RANBP17: variants seen among roughly 807,000 people sequenced by gnomAD.
The protein encoded by RANBP17 is RAN binding protein 17, also known as ran-binding protein 17.
In RANBP17, 158 loss-of-function variants were observed where a neutral mutation model predicts 141.2. That is an observed-to-expected ratio of 1.12 (90% confidence interval 0.98 to 1.28). The LOEUF (loss-of-function observed/expected upper bound fraction) is 1.28, where lower values mean the gene tolerates loss of function less well. RANBP17 is among the 50% of genes most tolerant of loss of function. The pLI, the probability that RANBP17 is intolerant of heterozygous loss-of-function variation, is 0.00. For synonymous variants in RANBP17, 430 were observed against 450.0 expected (o/e 0.96, Z 0.56); for missense variants, 1,438 against 1,290.7 (o/e 1.11, Z -1.75).
At chr5:170,943,559 C>A (rs1404736145) in intron 12 of RANBP17, among the ~76,000 whole-genome samples, 2 of 151,920 alleles carry the variant, frequency 1.3e-5, no homozygotes, top group African/African-American at 4.8e-5. Context: ...GCTGCTAAAA[C>A]AAGCACCCTG....
chr5:171,007,633 G>T (rs1333850332), intron 14 of RANBP17, among the ~76,000 whole-genome samples: 2 of 152,098 alleles, frequency 1.3e-5, no homozygotes, highest in African/African-American at 2.4e-5. Context: ...AAAAATGCCT[G>T]GACGTAGGGC....
intron 8 of RANBP17, among the ~76,000 whole-genome samples, chr5:170,915,087 T>G (rs1404944398): frequency 6.6e-6 from 1 of 152,136 alleles, no homozygotes; most frequent in Non-Finnish European, 1.5e-5. Context: ...ACCTCATGTT[T>G]CCAGTTGGGG....
intron 14 of RANBP17, among the ~76,000 whole-genome samples, chr5:171,018,114 A>G (rs1273433146): frequency 2.0e-5 from 3 of 151,712 alleles, no homozygotes; most frequent in African/African-American, 7.3e-5. Context: ...ATTGGTCTGT[A>G]TGTCTGTTTT....
intron 14 of RANBP17, among the ~76,000 whole-genome samples, chr5:171,022,360 G>T (rs1198141983): frequency 6.6e-6 from 1 of 152,216 alleles, no homozygotes; most frequent in Non-Finnish European, 1.5e-5. Flanking sequence ...CCGCTCATCT[G>T]GGCTGCCTGG....
intron 12 of RANBP17, among the ~76,000 whole-genome samples, chr5:170,926,712 T>TAAA (rs1772957592): frequency 8.1e-6 from 1 of 123,452 alleles, no homozygotes; most frequent in African/African-American, 2.7e-5. Context: ...ATTAAAAAAC[T>TAAA]TAAAATGTGT....
intron 14 of RANBP17, among the ~76,000 whole-genome samples, chr5:171,069,335 A>C (rs1784500676): frequency 6.6e-6 from 1 of 152,178 alleles, no homozygotes. Flanking sequence ...TCTGGAAGTG[A>C]TAGTTGCTGT....
At chr5:171,103,849 G>A (rs1406437682) in intron 14 of RANBP17, among the ~76,000 whole-genome samples, 4 of 152,150 alleles carry the variant, frequency 2.6e-5, no homozygotes, top group South Asian at 2.1e-4. Flanking sequence ...TTGGCTAGGC[G>A]ACGGAGGTCC....
chr5:171,005,796 A>C (rs921506476), intron 14 of RANBP17, among the ~76,000 whole-genome samples: 1 of 152,202 alleles, frequency 6.6e-6, no homozygotes, highest in Non-Finnish European at 1.5e-5. Flanking sequence ...CTACCATCAG[A>C]GTGAACAGGC....
At chr5:171,248,718 A>G (rs188264580) in intron 24 of RANBP17, among the ~76,000 whole-genome samples, 1 of 152,300 alleles carries the variant, frequency 6.6e-6, no homozygotes, top group Non-Finnish European at 1.5e-5. Flanking sequence ...ACAGGACTGC[A>G]TCTGCCCCTG....
intron 14 of RANBP17, among the ~76,000 whole-genome samples, chr5:171,130,145 C>A (rs1756797641): frequency 6.6e-6 from 1 of 152,044 alleles, no homozygotes; most frequent in Non-Finnish European, 1.5e-5. Flanking sequence ...GTAAAACTCA[C>A]CGAGGCTTCA....
chr5:170,950,702 C>T (rs1211153542), intron 12 of RANBP17, among the ~76,000 whole-genome samples: 2 of 152,036 alleles, frequency 1.3e-5, no homozygotes, highest in Middle Eastern at 3.2e-3. Flanking sequence ...ATAGAACTAC[C>T]GTATTGTCCA....
chr5:171,123,374 TA>T (rs1756186712), intron 14 of RANBP17, among the ~76,000 whole-genome samples: 1 of 152,212 alleles, frequency 6.6e-6, no homozygotes, highest in South Asian at 2.1e-4. Flanking sequence ...CACACACAGC[TA>T]CCAAGACCCA....
chr5:171,163,390 A>G (rs1298302206), intron 14 of RANBP17, among the ~76,000 whole-genome samples: 6 of 152,158 alleles, frequency 3.9e-5, no homozygotes, highest in Non-Finnish European at 8.8e-5. Flanking sequence ...AGAGCTAAGT[A>G]CCTTTAGTTC....
intron 14 of RANBP17, among the ~76,000 whole-genome samples, chr5:171,002,277 G>A (rs187196895): frequency 3.4e-4 from 51 of 150,250 alleles, no homozygotes; most frequent in African/African-American, 1.0e-3. Flanking sequence ...TGGAGGTTTC[G>A]GTGGGAGAGT....
chr5:171,183,057 A>G (rs1336593953), intron 16 of RANBP17, 110 bp from the exon 17 acceptor site: 1 of 619,204 alleles, frequency 1.6e-6, no homozygotes, highest in Non-Finnish European at 2.9e-6. Context: ...TTTAGAAATT[A>G]TATTTTTTTA....
intron 14 of RANBP17, among the ~76,000 whole-genome samples, chr5:171,088,666 T>G (rs1476760866): frequency 6.6e-6 from 1 of 152,096 alleles, no homozygotes; most frequent in East Asian, 1.9e-4. Context: ...TCCTTTCTTT[T>G]TATTCTTTTT....
At chr5:170,868,716 A>C (rs1257171580) in intron 1 of RANBP17, among the ~76,000 whole-genome samples, 13 of 152,252 alleles carry the variant, frequency 8.5e-5, no homozygotes, top group Admixed American at 8.5e-4. Context: ...ATTTGTCAAC[A>C]AATTGAGAAG....
In RANBP17 at chr5:170,881,818, C is replaced by T. The variant is rs1278388529; in HGVS notation, c.178C>T (p.Gln60Ter). 1.2e-6 allele frequency: 2 copies of T among 1,604,872 alleles called. No individual in the cohort carries two copies. The highest frequency in any genetic ancestry group is 1.7e-6 in the Non-Finnish European group (2 of 1,174,678). ...TTATTCTTTACAGACATCCTATGCT[C>T]AGCTCCTTGCAGCAACATGTCTTTC... ...LLEQGTTSYAQLLAATCLSKL... is the reference protein window; with the variant it reads ...LLEQGTTSYA Residue 60 changes from glutamine to a stop codon, truncating the protein, a stop_gained, in exon 3 of 28, where the codon CAG becomes TAG. Transcript: ENST00000523189. LOFTEE classifies it high-confidence loss of function.
intron 5 of RANBP17, chr5:170,904,216 A>G (rs1770893129): frequency 3.6e-6 from 1 of 279,002 alleles, no homozygotes; most frequent in Non-Finnish European, 7.3e-6. Context: ...TTTATTCATT[A>G]TTAGCTTTAG....
Sources: gnomAD v4.1 joint callset for allele counts (sites outside exome capture counted in the v4.1 genomes callset) on GRCh38, gnomAD v4.1.1 for gene constraint, MANE v1.5 for transcripts, NCBI Gene and HGNC (gene_info 2026-07-23, HGNC 2026-07-21) for gene names.